FLNC: variants seen among roughly 807,000 people sequenced by gnomAD.
FLNC encodes the protein filamin-C.
A neutral mutation model predicts 254.3 loss-of-function variants in FLNC; 91 were observed. That is an observed-to-expected ratio of 0.36 (90% CI 0.30 to 0.43). The LOEUF is 0.43. Among genes scored for constraint, FLNC ranks in the 20% least tolerant of loss-of-function variants. The pLI is 1.00. For synonymous variants in FLNC, 1,430 were observed against 1,577.2 expected (o/e 0.91, Z 2.21); for missense variants, 2,853 against 3,802.6 (o/e 0.75, Z 6.57).
chr7:128,834,005 G>A (rs2128933254), intron 1 of FLNC, among the ~76,000 whole-genome samples: 1 of 152,264 alleles, frequency 6.6e-6, no homozygotes, highest in South Asian at 2.1e-4. Context: ...GTGGGGCAGG[G>A]GATGCCCTGG....
rs189663696 is a variant in FLNC, at chr7:128,834,888, C to T, written c.353-438C>T. On this transcript the variant is annotated intron_variant, in intron 1 of 47. Coordinates refer to ENST00000325888, the MANE Select transcript of FLNC (RefSeq NM_001458.5). ...CTTCGTTATTCTCCATCTGTGGTGA[C>T]GGCTTCGTGATATATCCATAGTGTC... Among the ~76,000 whole-genome samples, 244 of 152,184 alleles carry T rather than the reference C, an allele frequency of 1.6e-3. 1 individual carries two copies. The highest frequency in any genetic ancestry group is 5.2e-3 in the Admixed American group (79 of 15,280).
In FLNC at chr7:128,835,240, C is replaced by G. The variant is rs560283705; in HGVS notation, c.353-86C>G. ...GAGGCCTGACCCCAGAGCTCTGGCC[C>G]GAGGAGCTGCGCAGGTGAGGGAGGG... On this transcript the variant is annotated intron_variant, in intron 1 of 47. Coordinates refer to ENST00000325888, the MANE Select transcript of FLNC (RefSeq NM_001458.5). The surrounding 1 kb of genome is among the most constrained non-coding windows in gnomAD (Gnocchi z 5.3). 6.3e-7 allele frequency: 1 copy of G among 1,592,424 alleles called. No homozygotes were observed. Among genetic ancestry groups the G allele is most frequent in the Non-Finnish European group, 8.6e-7 (1 of 1,165,100 alleles).
At chr7:128,832,456 G>A (rs1471724685) in intron 1 of FLNC, among the ~76,000 whole-genome samples, 1 of 152,212 alleles carries the variant, frequency 6.6e-6, no homozygotes, top group Non-Finnish European at 1.5e-5. Context: ...TGTACCAGGT[G>A]GGGTCTGGGG....
rs1291363779 is a variant in FLNC, at chr7:128,832,239, G to GCCCTGTCCTGGAAATAGCCCTGCCTC, written c.352+1252_352+1277dup. On this transcript the variant is annotated intron_variant, in intron 1 of 47. Transcript: ENST00000325888. ...TACTGCCCCCCCACCCCACCCGCCT[G>GCCCTGTCCTGGAAATAGCCCTGCCTC]CCCTGTCCTGGAAATAGCCCTGCCT... is the stretch of plus-strand genomic sequence containing the variant. Among the ~76,000 whole-genome samples, 16 of 152,180 alleles carry GCCCTGTCCTGGAAATAGCCCTGCCTC rather than the reference G, an allele frequency of 1.1e-4. No individual in the cohort carries two copies. The East Asian group carries it at 2.3e-3, about 22-fold the overall frequency.
At chr7:128,850,263 T>C (rs1808751532) in intron 31 of FLNC, 121 bp from the exon 32 acceptor site, 6 of 999,832 alleles carry the variant, frequency 6.0e-6, no homozygotes, top group Non-Finnish European at 9.6e-6. Flanking sequence ...GCACCTCTCC[T>C]GCCACGCTGG....
In FLNC at chr7:128,840,454, G is replaced by C. The variant is rs906058205; in HGVS notation, c.1550-94G>C. The C allele has an allele frequency of 5.7e-6, 9 of 1,575,800 alleles. No homozygotes were observed. The Admixed American group carries it at 1.5e-4, about 27-fold the overall frequency. On this transcript the variant is annotated intron_variant, in intron 9 of 47. Transcript: ENST00000325888. ...CACTACAGCACTGCCCTCGGGCTGG[G>C]TCGGGGTCCCAATGGCTCCTTGAGG...
intron 1 of FLNC, among the ~76,000 whole-genome samples, chr7:128,833,264 G>A (rs1249661018): frequency 6.6e-6 from 1 of 152,182 alleles, no homozygotes; most frequent in Non-Finnish European, 1.5e-5. Context: ...GGGCGGGAGG[G>A]GGCAGCAGCT....
intron 1 of FLNC, among the ~76,000 whole-genome samples, chr7:128,834,631 C>T (rs1808026177): frequency 1.3e-5 from 2 of 151,978 alleles, no homozygotes; most frequent in South Asian, 2.1e-4. Context: ...ATGTTTAAGA[C>T]CTTCATTGTA....
Position 128,857,221 on chromosome 7 carries a change from T to C in FLNC, c.7665T>C (p.Cys2555=). The part of the protein sequence containing the change: ...PSKVQLDCRE[C]PEGHVVTYTP... ...AGGTGCAGCTGGACTGTCGGGAGTG[T>C]CCTGAGGGCCATGTGGTCACTTATA... The change falls in exon 46 of 48, where the codon TGT becomes TGC. Residue 2555 remains cysteine, a synonymous_variant. Transcript: ENST00000325888. The surrounding 1 kb of genome is among the most constrained non-coding windows in gnomAD (Gnocchi z 4.5). 6.2e-7 allele frequency: 1 copy of C among 1,614,078 alleles called. No homozygotes were observed. The highest frequency in any genetic ancestry group is 2.2e-5 in the East Asian group (1 of 44,880).
chr7:128,840,183 G>C (rs755578117), intron 9 of FLNC, 23 bp downstream of exon 9: 4 of 1,612,804 alleles, frequency 2.5e-6, no homozygotes, highest in Non-Finnish European at 2.5e-6. Flanking sequence ...GCCCAGGGTC[G>C]TGAGGGTGGG....
In FLNC at chr7:128,830,581, C is replaced by T; in HGVS notation, c.-57C>T. 1.3e-6 allele frequency: 2 copies of T among 1,485,790 alleles called. No individual in the cohort carries two copies. The highest frequency in any genetic ancestry group is 2.3e-5 in the South Asian group (2 of 86,456). The allele number at this position is 1,485,790 out of a possible 1,614,324, so 92.0% of individuals were successfully genotyped here. A position where few individuals can be genotyped will look rare whatever the true frequency, so the allele number is the denominator to read the frequency against. ...GTCGCGCCCCAACAGCGCCCGACAGCCCCCGATAGCCCAAACCGCGGCCCT... is the reference window on the plus strand; with the variant it reads ...GTCGCGCCCCAACAGCGCCCGACAGTCCCCGATAGCCCAAACCGCGGCCCT... On this transcript the variant is annotated 5_prime_UTR_variant, in exon 1 of 48. Transcript: ENST00000325888.
rs746023653 is a variant in FLNC, at chr7:128,845,195, G to A, written c.3730G>A (p.Val1244Met). The change falls in exon 21 of 48, where the codon GTG becomes ATG. Residue 1244 changes from valine (V) to methionine (M), a missense_variant. By Grantham distance (21) the Val-to-Met change is conservative. This residue lies in a region of FLNC where 1,573 missense variants were observed against 1,883.5 expected (regional missense o/e 0.84). Transcript: ENST00000325888. ...GCCCAAATTCCCCACCCGTGTCCAT[G>A]TGCAGCCTGCGGTCGATACCAGTGG... ...PVPKFPTRVHVQPAVDTSGVK... is the reference protein window; with the variant it reads ...PVPKFPTRVHMQPAVDTSGVK... 3 of 1,613,842 alleles carry A rather than the reference G, an allele frequency of 1.9e-6. No individual in the cohort carries two copies. Among genetic ancestry groups the A allele is most frequent in the African/African-American group, 2.7e-5 (2 of 74,946 alleles).
chr7:128,834,752 C>T (rs775976282), intron 1 of FLNC, among the ~76,000 whole-genome samples: 14 of 151,962 alleles, frequency 9.2e-5, no homozygotes, highest in Non-Finnish European at 1.3e-4. Context: ...AGTAATCTAT[C>T]GTGACAGAGA....
At chr7:128,850,586 G>A (rs1333532502) in intron 32 of FLNC, 103 bp downstream of exon 32, 5 of 1,170,726 alleles carry the variant, frequency 4.3e-6, no homozygotes, top group Non-Finnish European at 6.4e-6. Context: ...GAGAGAGGAA[G>A]TGAGCTCTAC....
rs2128938084 is a variant in FLNC, at chr7:128,850,416, A to G, written c.5331A>G (p.Pro1777=). ...ATEEPVVPVE[P]MESMLRPFNL... is the part of the protein sequence containing the mutation. ...AGGAGCCAGTGGTGCCTGTGGAGCCAATGGAGTCCATGCTGAGGCCCTTCA... is the reference window on the plus strand; with the variant it reads ...AGGAGCCAGTGGTGCCTGTGGAGCCGATGGAGTCCATGCTGAGGCCCTTCA... Residue 1777 remains proline, a synonymous_variant, in exon 32 of 48, where the codon CCA becomes CCG. Transcript: ENST00000325888. 15 of 1,614,028 alleles carry G rather than the reference A, an allele frequency of 9.3e-6. No individual in the cohort carries two copies. The highest frequency in any genetic ancestry group is 1.1e-5 in the Non-Finnish European group (13 of 1,180,010).
intron 1 of FLNC, among the ~76,000 whole-genome samples, chr7:128,831,595 G>C (rs1807894263): frequency 6.6e-6 from 1 of 152,238 alleles, no homozygotes; most frequent in African/African-American, 2.4e-5. Context: ...AAAAGGCACT[G>C]AGCGAGCGCG....
chr7:128,847,024 G>A, intron 24 of FLNC, 119 bp downstream of exon 24: 1 of 1,340,632 alleles, frequency 7.5e-7, no homozygotes. Context: ...GGACAGCCTA[G>A]AGTGGGTTGG....
rs1345645496 is a variant in FLNC at position 128,848,992 on chromosome 7, C to T, written c.4927+10C>T. 2 of 1,609,420 alleles carry T rather than the reference C, an allele frequency of 1.2e-6. No individual in the cohort carries two copies. Among genetic ancestry groups the T allele is most frequent in the South Asian group, 1.1e-5 (1 of 90,988 alleles). On this transcript the variant is annotated intron_variant, in intron 28 of 47. Coordinates refer to ENST00000325888, the MANE Select transcript of FLNC (RefSeq NM_001458.5). ...AAGTGCCTCGTCACAGGTGGGTGCC[C>T]ACCCGCTGCCCGTGCCCTGCTCACC...
rs1048283733 is a variant in FLNC, at chr7:128,841,063, G to T, written c.1813+93G>T. On this transcript the variant is annotated intron_variant, in intron 11 of 47. Transcript: ENST00000325888. This position sits in a 1 kb window ranked among gnomAD's most constrained non-coding sequence, Gnocchi z 4.3. ...GGGTGCAGTGCGCATGCTGGGGAGCGCTGGGGTGAGCAGGGAGATAGGACA... is the reference window on the plus strand; with the variant it reads ...GGGTGCAGTGCGCATGCTGGGGAGCTCTGGGGTGAGCAGGGAGATAGGACA... 6 of 1,564,254 alleles carry T rather than the reference G, an allele frequency of 3.8e-6. No individual in the cohort carries two copies. The highest frequency in any genetic ancestry group is 5.2e-6 in the Non-Finnish European group (6 of 1,143,802).
Sources: allele counts gnomAD v4.1 joint callset (sites outside exome capture counted in the v4.1 genomes callset), GRCh38; gene constraint gnomAD v4.1.1; regional missense constraint gnomAD v4.1.1; non-coding constraint Gnocchi (gnomAD v3.1); transcripts MANE v1.5; gene names NCBI Gene and HGNC (gene_info 2026-07-23, HGNC 2026-07-21).